The following MAGI2 variants were observed in gnomAD, a reference collection of about 807,000 sequenced individuals.
MAGI2 encodes membrane-associated guanylate kinase, WW and PDZ domain-containing protein 2.
A neutral mutation model predicts 133.3 loss-of-function variants in MAGI2; 35 were observed. The ratio of observed to expected loss-of-function variants is 0.26; its 90% CI spans 0.20 to 0.35. The LOEUF (loss-of-function observed/expected upper bound fraction) is 0.35, where lower values mean the gene tolerates loss of function less well. Among genes scored for constraint, MAGI2 ranks in the 10% least tolerant of loss-of-function variants. MAGI2 has a pLI of 1.00. For missense variants in MAGI2, 1,636 were observed against 1,863.4 expected (o/e 0.88, Z 2.25); for synonymous variants, 729 against 710.6 (o/e 1.03, Z -0.41).
chr7:79,343,370 C>A (rs1264828371), intron 1 of MAGI2: 1 of 151,982 alleles, frequency 6.6e-6, no homozygotes, highest in Non-Finnish European at 1.5e-5. Context: ...CTGAAGTGAG[C>A]ACCATGAGGA....
chr7:79,410,422 C>A (rs1157815736), intron 1 of MAGI2: 1 of 152,098 alleles, frequency 6.6e-6, no homozygotes, highest in Non-Finnish European at 1.5e-5. Flanking sequence ...ATTATGTGTA[C>A]ATTGTGGATG....
chr7:78,235,880 T>C lies in MAGI2; in HGVS notation c.2047+20063A>G, dbSNP rs545844043. 2.4e-3 allele frequency among the ~76,000 whole-genome samples: 363 copies of C among 152,236 alleles called. 1 individual carries two copies. The highest frequency in any genetic ancestry group is 5.5e-3 in the Admixed American group (84 of 15,276). ...CATAGTATGGACATTGCAGGTTATC[T>C]TCAATTTAACAAAGGGTAGTTGGTG... On this transcript the variant is annotated intron_variant, in intron 10 of 21. Coordinates refer to ENST00000354212, the MANE Select transcript of MAGI2 (RefSeq NM_012301.4).
At chr7:79,310,738 T>C (rs1838216432) in intron 1 of MAGI2, among the ~76,000 whole-genome samples, 1 of 152,090 alleles carries the variant, frequency 6.6e-6, no homozygotes, top group Non-Finnish European at 1.5e-5. Context: ...TGTGACCCCA[T>C]ATCAAGTAAA....
chr7:78,460,965 C>G (rs1247068579), intron 6 of MAGI2, among the ~76,000 whole-genome samples: 1 of 151,760 alleles, frequency 6.6e-6, no homozygotes, highest in Non-Finnish European at 1.5e-5. Flanking sequence ...CACACACACT[C>G]TCACACACAC....
intron 21 of MAGI2, 167 bp downstream of exon 21, chr7:78,078,780 G>A (rs1423745211): frequency 6.0e-6 from 4 of 670,636 alleles, no homozygotes; most frequent in African/African-American, 1.9e-5. Context: ...ACATACGTGT[G>A]TGTGTGTATG....
intron 3 of MAGI2, among the ~76,000 whole-genome samples, chr7:78,610,517 G>C (rs769949738): frequency 1.3e-5 from 2 of 152,232 alleles, no homozygotes; most frequent in Non-Finnish European, 2.9e-5. Context: ...GTCCTGGGGA[G>C]ATGTTAATAG....
chr7:78,065,331 T>C (rs548518085), intron 21 of MAGI2, among the ~76,000 whole-genome samples: 2 of 152,310 alleles, frequency 1.3e-5, no homozygotes, highest in South Asian at 4.1e-4. Flanking sequence ...GTTCTCTACC[T>C]GCTTCCTTCC....
At chr7:78,097,022 C>T (rs1817755298) in intron 20 of MAGI2, among the ~76,000 whole-genome samples, 1 of 152,012 alleles carries the variant, frequency 6.6e-6, no homozygotes, top group South Asian at 2.1e-4. Context: ...AGACACTTTG[C>T]AAAAGAAGAC....
At chr7:78,275,167 A>G (rs1351662211) in intron 9 of MAGI2, among the ~76,000 whole-genome samples, 5 of 152,172 alleles carry the variant, frequency 3.3e-5, no homozygotes, top group Admixed American at 6.5e-5. Flanking sequence ...TCCTCCTGGT[A>G]CAGTCTCTCA....
chr7:79,387,044 C>T (rs2129147263), intron 1 of MAGI2, among the ~76,000 whole-genome samples: 1 of 150,874 alleles, frequency 6.6e-6, no homozygotes, highest in South Asian at 2.1e-4. Flanking sequence ...GTTCATATGC[C>T]TCTTCAAAAT....
chr7:78,672,558 G>A (rs914962055), intron 2 of MAGI2, among the ~76,000 whole-genome samples: 4 of 152,138 alleles, frequency 2.6e-5, no homozygotes, highest in Admixed American at 2.6e-4. Flanking sequence ...CAAAATGGCT[G>A]GTTTCATCTA....
At chr7:78,323,361 A>C (rs2151128191) in intron 9 of MAGI2, among the ~76,000 whole-genome samples, 1 of 152,360 alleles carries the variant, frequency 6.6e-6, no homozygotes, top group African/African-American at 2.4e-5. Flanking sequence ...CCTTCAATTA[A>C]AAAAGATATG....
chr7:79,395,849 C>T (rs1043116378), intron 1 of MAGI2, among the ~76,000 whole-genome samples: 1 of 152,054 alleles, frequency 6.6e-6, no homozygotes, highest in Non-Finnish European at 1.5e-5. Context: ...GCAGACCATT[C>T]AATGTAAGGA....
intron 2 of MAGI2, among the ~76,000 whole-genome samples, chr7:78,810,915 C>A (rs974909966): frequency 3.3e-5 from 5 of 151,944 alleles, no homozygotes; most frequent in Non-Finnish European, 5.9e-5. Flanking sequence ...GTCATTATTT[C>A]TTCTAAAACT....
intron 2 of MAGI2, among the ~76,000 whole-genome samples, chr7:78,759,777 C>T (rs1824299956): frequency 6.6e-6 from 1 of 152,160 alleles, no homozygotes; most frequent in African/African-American, 2.4e-5. Context: ...TTTTATCACA[C>T]ATTTTCCCTA....
intron 10 of MAGI2, chr7:78,251,611 A>T (rs1792389650): frequency 6.6e-6 from 1 of 152,228 alleles, no homozygotes; most frequent in Non-Finnish European, 1.5e-5. Context: ...AAACAATTCC[A>T]TTGACAATAA....
chr7:78,131,420 GTTTAC>G (rs1204617706), intron 18 of MAGI2, among the ~76,000 whole-genome samples: 1 of 152,180 alleles, frequency 6.6e-6, no homozygotes, highest in Non-Finnish European at 1.5e-5. Flanking sequence ...AGGGAACACA[GTTTAC>G]TTTGCAACAA....
At chr7:78,776,914 T>C (rs1197727823) in intron 2 of MAGI2, among the ~76,000 whole-genome samples, 1 of 152,236 alleles carries the variant, frequency 6.6e-6, no homozygotes, top group African/African-American at 2.4e-5. Context: ...GATTGATATA[T>C]GATTGAATAT....
intron 9 of MAGI2, among the ~76,000 whole-genome samples, chr7:78,288,287 AAAT>A (rs1439958761): frequency 2.6e-5 from 4 of 152,172 alleles, no homozygotes; most frequent in Non-Finnish European, 5.9e-5. Flanking sequence ...AATAATATTT[AAAT>A]AATAAAATCA....
Sources: allele counts gnomAD v4.1 joint callset (sites outside exome capture counted in the v4.1 genomes callset), GRCh38; gene constraint gnomAD v4.1.1; transcripts MANE v1.5; gene names NCBI Gene and HGNC (gene_info 2026-07-23, HGNC 2026-07-21).